Variants in TEP1 observed in about 807,000 individuals in gnomAD.
TEP1 encodes telomerase protein component 1.
In TEP1, 241 loss-of-function variants were observed where a neutral mutation model predicts 306.3. That is an observed-to-expected ratio of 0.79 (90% confidence interval 0.71 to 0.88). The LOEUF (loss-of-function observed/expected upper bound fraction) is 0.88, where lower values mean the gene tolerates loss of function less well. TEP1 is among the 40% of genes least tolerant of loss of function. TEP1 has a pLI of 0.00. For synonymous variants in TEP1, 1,289 were observed against 1,305.5 expected (o/e 0.99, Z 0.27); for missense variants, 3,051 against 3,276.1 (o/e 0.93, Z 1.68).
In TEP1 at chr14:20,389,686, C is replaced by T. The variant is rs776564934; in HGVS notation, c.2389G>A (p.Ala797Thr). 6.2e-7 allele frequency: 1 copy of T among 1,614,206 alleles called. No individual in the cohort carries two copies. Among genetic ancestry groups the T allele is most frequent in the Non-Finnish European group, 8.5e-7 (1 of 1,180,044 alleles). ...QSMDDGMINV[A>T]KQLYWQRVNS... ...ACACGCTGCCAGTAAAGCTGTTTGG[C>T]CACATTTATCATTCCATCATCCATG... is the stretch of plus-strand genomic sequence containing the variant. Residue 797 changes from alanine (A) to threonine (T), a missense_variant, in exon 16 of 55, where the codon GCC (alanine) becomes ACC (threonine). Physicochemically the swap from Ala to Thr is moderately conservative, Grantham distance 58. Around this residue, in one of 3 missense-constraint regions of TEP1, gnomAD observed 1,507 missense variants for 1,550.5 expected, o/e 0.97. Transcript: ENST00000262715.
At chr14:20,409,340 T>A (rs1208013243) in intron 1 of TEP1, among the ~76,000 whole-genome samples, 1 of 152,252 alleles carries the variant, frequency 6.6e-6, no homozygotes, top group Non-Finnish European at 1.5e-5. Context: ...CAATGCTCCT[T>A]GCAGTTCTAT....
At chr14:20,386,395 C>G in intron 19 of TEP1, 52 bp downstream of exon 19, 1 of 1,574,402 alleles carries the variant, frequency 6.4e-7, no homozygotes, top group Non-Finnish European at 8.6e-7. Flanking sequence ...TCAGGTCCAC[C>G]ACTCAAGCCC....
At chr14:20,401,697 A>G (rs994540627) in intron 7 of TEP1, 116 bp from the exon 8 acceptor site, 1 of 1,468,298 alleles carries the variant, frequency 6.8e-7, no homozygotes, top group South Asian at 1.3e-5. Context: ...TCTTTCTTCA[A>G]AATAGATTTG....
At chr14:20,386,389 G>T in intron 19 of TEP1, 58 bp downstream of exon 19, 1 of 1,575,062 alleles carries the variant, frequency 6.3e-7, no homozygotes, top group Non-Finnish European at 8.6e-7. Flanking sequence ...CCCACCTCAG[G>T]TCCACCACTC....
chr14:20,390,347 G>C (rs1877585237), intron 15 of TEP1, among the ~76,000 whole-genome samples: 1 of 152,178 alleles, frequency 6.6e-6, no homozygotes, highest in African/African-American at 2.4e-5. Context: ...TACTATATCA[G>C]GAGTGTGAGA....
At chr14:20,369,869 G>A (rs1441796762) in intron 51 of TEP1, 90 bp from the exon 52 acceptor site, 1 of 988,986 alleles carries the variant, frequency 1.0e-6, no homozygotes, top group Non-Finnish European at 1.5e-6. Flanking sequence ...GGGCTGGTCA[G>A]GAATTTTTTT....
chr14:20,380,100 A>C, intron 34 of TEP1, 47 bp from the exon 35 acceptor site: 1 of 1,596,636 alleles, frequency 6.3e-7, no homozygotes, highest in South Asian at 1.1e-5. Context: ...GAGAGAATGC[A>C]AACAGGAGTT....
At chr14:20,395,994 G>A in intron 10 of TEP1, 45 bp from the exon 11 acceptor site, 1 of 1,511,856 alleles carries the variant, frequency 6.6e-7, no homozygotes, top group Non-Finnish European at 9.2e-7. Flanking sequence ...GGAGCCGGGA[G>A]TATGGGGGGC....
intron 1 of TEP1, among the ~76,000 whole-genome samples, chr14:20,412,394 T>C (rs1566490605): frequency 6.6e-6 from 1 of 152,170 alleles, no homozygotes; most frequent in African/African-American, 2.4e-5. Flanking sequence ...TTTATTGTTT[T>C]GCACCCTGGA....
At chr14:20,384,562 C>G in intron 22 of TEP1, 38 bp downstream of exon 22, 1 of 1,613,696 alleles carries the variant, frequency 6.2e-7, no homozygotes, top group Non-Finnish European at 8.5e-7. Context: ...CCTCTCACCA[C>G]ATCTCTGTAC....
Position 20,395,923 on chromosome 14 carries a change from A to C in TEP1, c.1686T>G (p.Phe562Leu), listed in dbSNP as rs767109656. ...HAKSVIHSRQ[F>L]PFRFLNAHDA... is the part of the protein sequence containing the mutation. ...CATGGGCGTTAAGAAATCTGAATGG[A>C]AACTGCCGACTGTGGATCACCGACT... is the stretch of plus-strand genomic sequence containing the variant. The change falls in exon 11 of 55, where the codon TTT (phenylalanine) becomes TTG (leucine). Residue 562 changes from phenylalanine to leucine, a missense_variant. Coordinates refer to ENST00000262715, the MANE Select transcript of TEP1 (RefSeq NM_007110.5). The C allele has an allele frequency of 6.2e-7, 1 of 1,614,010 alleles. No homozygotes were observed. The highest frequency in any genetic ancestry group is 8.5e-7 in the Non-Finnish European group (1 of 1,180,008).
intron 51 of TEP1, 102 bp from the exon 52 acceptor site, chr14:20,369,881 T>G (rs1160067237): frequency 1.2e-6 from 1 of 853,906 alleles, no homozygotes; most frequent in Non-Finnish European, 1.8e-6. Context: ...AATTTTTTTT[T>G]TTTTTAACTA....
chr14:20,379,304 C>A (rs1885392268), intron 35 of TEP1, among the ~76,000 whole-genome samples, 199 bp from the exon 36 acceptor site: 1 of 152,254 alleles, frequency 6.6e-6, no homozygotes, highest in Non-Finnish European at 1.5e-5. Context: ...ACTCCAAACC[C>A]CATACCTATT....
chr14:20,399,109 T>C (rs1878453911), intron 9 of TEP1, among the ~76,000 whole-genome samples: 1 of 152,136 alleles, frequency 6.6e-6, no homozygotes, highest in Middle Eastern at 3.2e-3. Context: ...CTCAGGCTGG[T>C]CTCAAACTCC....
At chr14:20,384,919 G>A in intron 21 of TEP1, 66 bp downstream of exon 21, 1 of 1,609,050 alleles carries the variant, frequency 6.2e-7, no homozygotes, top group Non-Finnish European at 8.5e-7. Context: ...TGAATACTGA[G>A]GAGAGAAGAC....
Position 20,396,517 on chromosome 14 carries a change from C to A in TEP1, c.1659+104G>T. The stretch of plus-strand genomic sequence containing the variant: ...ACATGGAAACAGCTTGAGGGCCGTA[C>A]CTGCCTCTGCCCCCTGAAAAAGCCT... On this transcript the variant is annotated intron_variant, in intron 10 of 54. Coordinates refer to ENST00000262715, the MANE Select transcript of TEP1 (RefSeq NM_007110.5). 8.9e-6 allele frequency: 8 copies of A among 894,782 alleles called. No individual in the cohort carries two copies. In the South Asian group the frequency reaches 1.2e-4, roughly 14 times the overall value. 55.4% of individuals were successfully genotyped at this position (894,782 alleles called of 1,614,324 possible).
At chr14:20,391,135 C>T (rs746249663) in intron 13 of TEP1, 39 bp from the exon 14 acceptor site, 2 of 1,601,762 alleles carry the variant, frequency 1.2e-6, no homozygotes, top group Non-Finnish European at 8.5e-7. Context: ...AGCTCCCCTG[C>T]TTTGGAATTC....
intron 15 of TEP1, among the ~76,000 whole-genome samples, chr14:20,390,214 G>A (rs1877571782): frequency 6.6e-6 from 1 of 152,120 alleles, no homozygotes; most frequent in Admixed American, 6.6e-5. Context: ...GGGCAACGGA[G>A]TGAGACCCTG....
In TEP1 at chr14:20,388,009, G is replaced by T; in HGVS notation, c.2580C>A (p.Asp860Glu). ...SHLLEHVGQMDKIFKIPPPPG... is the reference protein window; with the variant it reads ...SHLLEHVGQMEKIFKIPPPPG... Reference sequence around the variant, plus strand: ...GGGGTGGTGGAATCTTGAATATTTTGTCCATTTGGCCCACATGTTCCAGAA... The same window carrying T: ...GGGGTGGTGGAATCTTGAATATTTTTTCCATTTGGCCCACATGTTCCAGAA... Residue 860 changes from aspartate (D) to glutamate (E), a missense_variant, in exon 18 of 55, where the codon GAC becomes GAA. Coordinates refer to ENST00000262715, the MANE Select transcript of TEP1 (RefSeq NM_007110.5). 6.2e-7 allele frequency: 1 copy of T among 1,614,098 alleles called. No individual in the cohort carries two copies. The highest frequency in any genetic ancestry group is 8.5e-7 in the Non-Finnish European group (1 of 1,180,010).
Sources: allele counts gnomAD v4.1 joint callset (sites outside exome capture counted in the v4.1 genomes callset), GRCh38; gene constraint gnomAD v4.1.1; regional missense constraint gnomAD v4.1.1; transcripts MANE v1.5; gene names NCBI Gene and HGNC (gene_info 2026-07-23, HGNC 2026-07-21).